The following PRELID2 variants were observed in gnomAD, a reference collection of about 807,000 sequenced individuals.
The protein encoded by PRELID2 is PRELI domain-containing protein 2.
A neutral mutation model predicts 28.4 loss-of-function variants in PRELID2; 25 were observed. That is an observed-to-expected ratio of 0.88 (90% CI 0.64 to 1.23). The LOEUF (loss-of-function observed/expected upper bound fraction) is 1.23. Ranked by LOEUF, PRELID2 falls within the 50% of genes most tolerant of loss-of-function variation. The pLI is 0.00. For missense variants in PRELID2, 201 were observed against 214.4 expected, an observed-to-expected ratio of 0.94 and a Z score of 0.39; for synonymous variants, 76 against 71.6, an observed-to-expected ratio of 1.06 and a Z score of -0.31.
At chr5:145,488,264 T>G (rs1346602843) in intron 1 of PRELID2, among the ~76,000 whole-genome samples, 1 of 152,060 alleles carries the variant, frequency 6.6e-6, no homozygotes, top group Non-Finnish European at 1.5e-5. Context: ...CTCCACCATA[T>G]GGAGAAGATC....
At chr5:145,376,732 G>A in the PRELID2 span, among the ~76,000 whole-genome samples, 53 of 152,192 alleles carry the variant, frequency 3.5e-4, no homozygotes, top group East Asian at 8.3e-3. Context: ...TAGGATCAAT[G>A]GTAATATCTC....
At chr5:145,384,871 C>T in the PRELID2 span, among the ~76,000 whole-genome samples, 1 of 152,162 alleles carries the variant, frequency 6.6e-6, no homozygotes, top group African/African-American at 2.4e-5. Flanking sequence ...GGTTGTAAAC[C>T]ATTCATGAGA....
intron 5 of PRELID2, among the ~76,000 whole-genome samples, chr5:145,770,702 T>C (rs1298931470): frequency 1.3e-5 from 2 of 152,220 alleles, no homozygotes; most frequent in Non-Finnish European, 1.5e-5. Context: ...TGTGTGAATG[T>C]ATATGCCTTT....
chr5:145,650,461 C>G (rs1471185275), intron 1 of PRELID2, among the ~76,000 whole-genome samples: 1 of 147,182 alleles, frequency 6.8e-6, no homozygotes, highest in Non-Finnish European at 1.5e-5. Flanking sequence ...CAGAGACAAT[C>G]TGGTTTGGCA....
the PRELID2 span, among the ~76,000 whole-genome samples, chr5:145,261,923 G>A: frequency 7.9e-5 from 12 of 151,948 alleles, no homozygotes; most frequent in African/African-American, 1.2e-4. Flanking sequence ...GAAGTTCAAC[G>A]TAAATAAATA....
intron 1 of PRELID2, among the ~76,000 whole-genome samples, chr5:145,647,401 G>C (rs888788181): frequency 6.6e-5 from 10 of 152,148 alleles, no homozygotes; most frequent in Non-Finnish European, 1.2e-4. Flanking sequence ...TTTGATCTCA[G>C]ACTGCTGCTG....
At chr5:145,277,401 G>T in the PRELID2 span, among the ~76,000 whole-genome samples, 1 of 152,056 alleles carries the variant, frequency 6.6e-6, no homozygotes, top group Admixed American at 6.6e-5. Context: ...TTAGAGTGTT[G>T]CTCCCATTCA....
chr5:145,407,559 A>G, the PRELID2 span, among the ~76,000 whole-genome samples: 1 of 152,178 alleles, frequency 6.6e-6, no homozygotes, highest in East Asian at 1.9e-4. Context: ...ATAAATTCTT[A>G]GAAGCCCTAT....
At chr5:145,625,828 A>G (rs1364773729) in intron 1 of PRELID2, among the ~76,000 whole-genome samples, 2 of 152,182 alleles carry the variant, frequency 1.3e-5, no homozygotes, top group African/African-American at 2.4e-5. Flanking sequence ...TAAATGTACT[A>G]TAATTCTTGA....
At chr5:145,328,611 C>T in the PRELID2 span, among the ~76,000 whole-genome samples, 5 of 151,576 alleles carry the variant, frequency 3.3e-5, no homozygotes, top group African/African-American at 9.7e-5. Context: ...ATATCCTTCA[C>T]CCACTTTTCG....
At chr5:145,705,853 ATTT>A (rs1554084910) in intron 1 of PRELID2, among the ~76,000 whole-genome samples, 1 of 151,506 alleles carries the variant, frequency 6.6e-6, no homozygotes, top group Non-Finnish European at 1.5e-5. Context: ...CCTTCTTGTG[ATTT>A]TTTTCTCACC....
chr5:145,636,906 T>A (rs970548208), intron 1 of PRELID2, among the ~76,000 whole-genome samples: 8 of 152,190 alleles, frequency 5.3e-5, no homozygotes, highest in Admixed American at 2.0e-4. Context: ...AATCATCCTT[T>A]CTCCCTTTCC....
the PRELID2 span, among the ~76,000 whole-genome samples, chr5:145,384,077 C>A: frequency 6.6e-6 from 1 of 152,060 alleles, no homozygotes; most frequent in Non-Finnish European, 1.5e-5. Context: ...GATCATTAAC[C>A]TTTGAGTAAG....
chr5:145,424,664 T>C, the PRELID2 span, among the ~76,000 whole-genome samples: 1 of 152,092 alleles, frequency 6.6e-6, no homozygotes, highest in Non-Finnish European at 1.5e-5. Flanking sequence ...CAGATGGAAA[T>C]GCAGAAATCA....
At chr5:145,471,976 T>G (rs1189103691) in exon 3 of PRELID2, 3 of 152,102 alleles carry the variant, frequency 2.0e-5, no homozygotes, top group Admixed American at 2.0e-4. Context: ...ATTTGAGTCA[T>G]CATTGTTTAG....
At chr5:145,366,820 T>A in the PRELID2 span, among the ~76,000 whole-genome samples, 1 of 151,834 alleles carries the variant, frequency 6.6e-6, no homozygotes, top group South Asian at 2.1e-4. Flanking sequence ...ATGCTCCATT[T>A]TCTAAATTTT....
chr5:145,445,741 AACACACACACACACAC>A, the PRELID2 span, among the ~76,000 whole-genome samples: 1 of 149,118 alleles, frequency 6.7e-6, no homozygotes, highest in East Asian at 2.0e-4. Context: ...TGTCTCACAA[AACACACACACACACAC>A]ACACACACAC....
At chr5:145,591,214 T>C (rs1244817419) in intron 1 of PRELID2, among the ~76,000 whole-genome samples, 1 of 151,680 alleles carries the variant, frequency 6.6e-6, no homozygotes, top group Admixed American at 6.6e-5. Context: ...GAGGACTGCT[T>C]GAGCCCTGGA....
At chr5:145,740,908 ATG>A (rs1756688318) in intron 1 of PRELID2, among the ~76,000 whole-genome samples, 2 of 76,566 alleles carry the variant, frequency 2.6e-5, no homozygotes, top group Non-Finnish European at 5.0e-5. Context: ...ATAAATATAT[ATG>A]TACATATATT....
Sources: allele counts gnomAD v4.1 joint callset (sites outside exome capture counted in the v4.1 genomes callset), GRCh38; gene constraint gnomAD v4.1.1; transcripts MANE v1.5; gene names NCBI Gene and HGNC (gene_info 2026-07-23, HGNC 2026-07-21).